Variants in GTF3C1 observed in about 807,000 individuals in gnomAD.
The protein encoded by GTF3C1 is general transcription factor 3C polypeptide 1.
In GTF3C1, 57 loss-of-function variants were observed where a neutral mutation model predicts 226.7. The observed-to-expected ratio is 0.25, with a 90% CI of 0.20 to 0.31. GTF3C1 has a LOEUF of 0.31. Among genes scored for constraint, GTF3C1 ranks in the 10% least tolerant of loss-of-function variants. The pLI, the probability that GTF3C1 is intolerant of heterozygous loss-of-function variation, is 1.00. For missense variants in GTF3C1, 2,217 were observed against 2,776.1 expected, an observed-to-expected ratio of 0.80 and a Z score of 4.53; for synonymous variants, 1,090 against 1,084.8, an observed-to-expected ratio of 1.00 and a Z score of -0.09.
rs768294485 is a variant in GTF3C1 at position 27,492,402 on chromosome 16, G to A, written c.3087C>T (p.Asn1029=). The part of the protein sequence containing the change: ...RPFERRLYVL[N]SMQDVENYWF... ...AGTAGTTTTCCACATCCTGCATTGA[G>A]TTCAGGACATAGAGGCGCCTCTCGA... Residue 1029 remains asparagine (N), a synonymous_variant, in exon 19 of 37, where the codon AAC becomes AAT. Transcript: ENST00000356183. This position sits in a 1 kb window ranked among gnomAD's most constrained non-coding sequence, Gnocchi z 5.0. 3.1e-6 allele frequency: 5 copies of A among 1,609,540 alleles called. No individual in the cohort carries two copies. In the Admixed American group the frequency reaches 8.3e-5, roughly 27 times the overall value.
intron 5 of GTF3C1, among the ~76,000 whole-genome samples, chr16:27,531,799 A>G (rs1205107886): frequency 6.6e-6 from 1 of 152,174 alleles, no homozygotes; most frequent in African/African-American, 2.4e-5. Context: ...GACAAGTAAC[A>G]TTAATCCACA....
Position 27,497,810 on chromosome 16 carries a change from G to C in GTF3C1, c.2177C>G (p.Ser726Cys). Residue 726 changes from serine to cysteine, a missense_variant, in exon 14 of 37, where the codon TCC becomes TGC. By Grantham distance (112) the Ser-to-Cys change is moderately radical. This residue lies in a region of GTF3C1 where 100 missense variants were observed against 139.9 expected (regional missense o/e 0.71). Coordinates refer to ENST00000356183, the MANE Select transcript of GTF3C1 (RefSeq NM_001520.4). ...CTCCCCTTGGGGCACTGGAGGCTGG[G>C]AAGTTTTAACCCTGCAGTTCAAATA... The part of the protein sequence containing the change: ...NSSTANRVKT[S>C]QPPVPQGEAE... 6.2e-7 allele frequency: 1 copy of C among 1,612,556 alleles called. No homozygotes were observed. The highest frequency in any genetic ancestry group is 8.5e-7 in the Non-Finnish European group (1 of 1,179,428).
chr16:27,524,083 T>C (rs1330821381), intron 6 of GTF3C1, among the ~76,000 whole-genome samples: 3 of 152,154 alleles, frequency 2.0e-5, no homozygotes, highest in Non-Finnish European at 2.9e-5. Flanking sequence ...GTCCTACGCA[T>C]GAACTTACTT....
intron 6 of GTF3C1, among the ~76,000 whole-genome samples, chr16:27,519,349 T>C (rs2088710578): frequency 6.6e-6 from 1 of 152,190 alleles, no homozygotes; most frequent in Non-Finnish European, 1.5e-5. Context: ...GTAGGCATGA[T>C]GTTTGGGACT....
In GTF3C1 at chr16:27,461,243, A is replaced by G; in HGVS notation, c.*107T>C. The G allele has an allele frequency of 1.5e-6, 1 of 670,344 alleles. No homozygotes were observed. Among genetic ancestry groups the G allele is most frequent in the Middle Eastern group, 4.2e-4 (1 of 2,368 alleles). The allele number at this position is 670,344 out of a possible 1,614,324, so 41.5% of individuals were successfully genotyped here. ...GGCCAAAGCACCCGTCCCCTGCTGCAGGAGGCTCGGCAGACCCAAGGCCAG... is the reference window on the plus strand; with the variant it reads ...GGCCAAAGCACCCGTCCCCTGCTGCGGGAGGCTCGGCAGACCCAAGGCCAG... On this transcript the variant is annotated 3_prime_UTR_variant, in exon 37 of 37. Coordinates refer to ENST00000356183, the MANE Select transcript of GTF3C1 (RefSeq NM_001520.4). This position sits in a 1 kb window ranked among gnomAD's most constrained non-coding sequence, Gnocchi z 5.3.
At chr16:27,544,841 G>A (rs1432824886) in intron 2 of GTF3C1, among the ~76,000 whole-genome samples, 2 of 152,238 alleles carry the variant, frequency 1.3e-5, no homozygotes, top group African/African-American at 4.8e-5. Flanking sequence ...CCCCAGTGAA[G>A]AAGGCGAATG....
chr16:27,488,488 G>A (rs2088177930), intron 22 of GTF3C1, 66 bp downstream of exon 22: 4 of 1,548,724 alleles, frequency 2.6e-6, no homozygotes. Flanking sequence ...ACCGAACATA[G>A]GGTAGTCGTT....
chr16:27,518,188 G>GACAC (rs113867049), intron 6 of GTF3C1, among the ~76,000 whole-genome samples: 3,036 of 149,384 alleles, frequency 0.02, 104 homozygotes, highest in African/African-American at 0.069. Flanking sequence ...CCCCGCCCAA[G>GACAC]ACACACACAC....
rs1480439689 is a variant in GTF3C1 at position 27,471,286 on chromosome 16, A to C, written c.4526+462T>G. ...CTGCGGCATGAAGCCACACTGCAAG[A>C]GCGCTTCAGGAGGGAGCCCCAGGAG... is the stretch of plus-strand genomic sequence containing the variant. On this transcript the variant is annotated intron_variant, in intron 30 of 36. Coordinates refer to ENST00000356183, the MANE Select transcript of GTF3C1 (RefSeq NM_001520.4). This position sits in a 1 kb window ranked among gnomAD's most constrained non-coding sequence, Gnocchi z 5.0. Among the ~76,000 whole-genome samples the C allele has an allele frequency of 6.6e-6, 1 of 152,156 alleles. No individual in the cohort carries two copies. Among genetic ancestry groups the C allele is most frequent in the Non-Finnish European group, 1.5e-5 (1 of 68,034 alleles).
At chr16:27,477,186 A>G (rs2087962752) in intron 28 of GTF3C1, among the ~76,000 whole-genome samples, 2 of 152,208 alleles carry the variant, frequency 1.3e-5, no homozygotes, top group African/African-American at 4.8e-5. Flanking sequence ...GCCACCCTAG[A>G]AACAGCAAGA....
At chr16:27,530,823 C>A (rs1281366541) in intron 5 of GTF3C1, among the ~76,000 whole-genome samples, 1 of 152,182 alleles carries the variant, frequency 6.6e-6, no homozygotes, top group African/African-American at 2.4e-5. Context: ...ATGATCCCTG[C>A]GTCAGAAGCC....
At position 27,462,034 on chromosome 16, in the gene GTF3C1, G is replaced by GT; in HGVS notation, c.6117+259dup. ...CCCGTGGGGCCCGGCGGACTCATGA[G>GT]TTAGTGACCCCTGGCACAGAGAAAG... is the stretch of plus-strand genomic sequence containing the variant. On this transcript the variant is annotated intron_variant, in intron 36 of 36. Transcript: ENST00000356183. The surrounding 1 kb of genome is among the most constrained non-coding windows in gnomAD (Gnocchi z 4.5). 3.9e-6 allele frequency: 2 copies of GT among 506,868 alleles called. No individual in the cohort carries two copies. The highest frequency in any genetic ancestry group is 7.1e-6 in the Non-Finnish European group (2 of 282,842). 31.4% of individuals were successfully genotyped at this position (506,868 alleles called of 1,614,324 possible).
Position 27,470,013 on chromosome 16 carries a change from A to G in GTF3C1, c.4814+95T>C. The G allele has an allele frequency of 1.0e-6, 1 of 982,116 alleles. No homozygotes were observed. The allele number at this position is 982,116 out of a possible 1,614,324, so 60.8% of individuals were successfully genotyped here. On this transcript the variant is annotated intron_variant, in intron 31 of 36. Transcript: ENST00000356183. This position sits in a 1 kb window ranked among gnomAD's most constrained non-coding sequence, Gnocchi z 4.9. ...CACTCATCTGCAACTCCCATCCCAC[A>G]AGCTCCCAGAAGGCACTGCTGACCC... is the stretch of plus-strand genomic sequence containing the variant.
rs758894305 is a variant in GTF3C1 at position 27,488,278 on chromosome 16, G to C, written c.3649C>G (p.Arg1217Gly). ...RRVRGGKSQK[R>G]KRLKKDPGKK... ...CCAGGGTCCTTCTTCAGCCGCTTCC[G>C]CTTCTGGCTTTTCCCACCCCTCACT... The change falls in exon 23 of 37, where the codon CGG becomes GGG. Residue 1217 changes from arginine (R) to glycine (G), a missense_variant. Transcript: ENST00000356183. 6.2e-7 allele frequency: 1 copy of C among 1,614,000 alleles called. No individual in the cohort carries two copies. The highest frequency in any genetic ancestry group is 1.3e-5 in the African/African-American group (1 of 74,894).
At position 27,462,622 on chromosome 16, in the gene GTF3C1, CT is replaced by C; in HGVS notation, c.5925-137del. 1.6e-6 allele frequency: 1 copy of C among 643,262 alleles called. No homozygotes were observed. Among genetic ancestry groups the C allele is most frequent in the Non-Finnish European group, 2.7e-6 (1 of 367,648 alleles). The allele number at this position is 643,262 out of a possible 1,614,324, so 39.8% of individuals were successfully genotyped here. ...GAGACCAGCCACCTCTTGCTCTCTG[CT>C]TTCCAAACTCCCTGCTTCTCTCCTG... is the stretch of plus-strand genomic sequence containing the variant. On this transcript the variant is annotated intron_variant, in intron 35 of 36. Coordinates refer to ENST00000356183, the MANE Select transcript of GTF3C1 (RefSeq NM_001520.4). The surrounding 1 kb of genome is among the most constrained non-coding windows in gnomAD (Gnocchi z 4.5).
chr16:27,469,187 C>G lies in GTF3C1; in HGVS notation c.5074+104G>C. ...TTTCTGTGTGTTCTGTGGCTGCACGCCTGGCCTGGGGAGCCTGAAGGTCTA... is the reference window on the plus strand; with the variant it reads ...TTTCTGTGTGTTCTGTGGCTGCACGGCTGGCCTGGGGAGCCTGAAGGTCTA... On this transcript the variant is annotated intron_variant, in intron 32 of 36. Transcript: ENST00000356183. This position sits in a 1 kb window ranked among gnomAD's most constrained non-coding sequence, Gnocchi z 4.5. The G allele has an allele frequency of 1.7e-6, 2 of 1,206,796 alleles. No individual in the cohort carries two copies. Among genetic ancestry groups the G allele is most frequent in the Non-Finnish European group, 1.1e-6 (1 of 881,722 alleles). 74.8% of individuals were successfully genotyped at this position (1,206,796 alleles called of 1,614,324 possible).
chr16:27,521,938 T>C (rs1414947766), intron 6 of GTF3C1, among the ~76,000 whole-genome samples: 1 of 152,208 alleles, frequency 6.6e-6, no homozygotes, highest in Non-Finnish European at 1.5e-5. Context: ...TTTGTATTTA[T>C]TTGTTGCATT....
At position 27,469,386 on chromosome 16, in the gene GTF3C1, C is replaced by A; in HGVS notation, c.4979G>T (p.Arg1660Leu). Residue 1660 changes from arginine to leucine, a missense_variant, in exon 32 of 37, where the codon CGC becomes CTC. This residue lies in a region of GTF3C1 where 455 missense variants were observed against 441.9 expected (regional missense o/e 1.03). Transcript: ENST00000356183. The surrounding 1 kb of genome is among the most constrained non-coding windows in gnomAD (Gnocchi z 4.5). The part of the protein sequence containing the change: ...GYYSPGIVST[R>L]NLNPNDSIVV... ...AATGCTGTCGTTGGGGTTGAGGTTGCGGGTGCTGACGATGCCGGGGGAGTA... is the reference window on the plus strand; with the variant it reads ...AATGCTGTCGTTGGGGTTGAGGTTGAGGGTGCTGACGATGCCGGGGGAGTA... The A allele has an allele frequency of 6.2e-7, 1 of 1,612,542 alleles. No individual in the cohort carries two copies.
At chr16:27,483,836 G>A (rs2088094262) in intron 25 of GTF3C1, among the ~76,000 whole-genome samples, 1 of 152,172 alleles carries the variant, frequency 6.6e-6, no homozygotes, top group Non-Finnish European at 1.5e-5. Flanking sequence ...ACCAATCAGA[G>A]CTCTCAGGAA....
Sources: allele counts gnomAD v4.1 joint callset (sites outside exome capture counted in the v4.1 genomes callset), GRCh38; gene constraint gnomAD v4.1.1; regional missense constraint gnomAD v4.1.1; non-coding constraint Gnocchi (gnomAD v3.1); transcripts MANE v1.5; gene names NCBI Gene and HGNC (gene_info 2026-07-23, HGNC 2026-07-21).